The following MVK variants were observed in gnomAD, a reference collection of about 807,000 sequenced individuals.
MVK encodes LH receptor mRNA-binding protein.
Under a neutral mutation model 43.2 loss-of-function variants are expected in MVK, and 34 were observed. The observed-to-expected ratio is 0.79, with a 90% CI of 0.60 to 1.05. The LOEUF (loss-of-function observed/expected upper bound fraction) is 1.05, where lower values mean the gene tolerates loss of function less well. Among genes scored for constraint, MVK ranks in the 50% least tolerant of loss-of-function variants. The pLI, the probability that MVK is intolerant of heterozygous loss-of-function variation, is 0.00. For synonymous variants in MVK, 190 were observed against 219.8 expected (o/e 0.86, Z 1.20); for missense variants, 395 against 504.0 (o/e 0.78, Z 2.07).
At chr12:109,583,876 C>G (rs1314680944) in intron 5 of MVK, among the ~76,000 whole-genome samples, 1 of 152,244 alleles carries the variant, frequency 6.6e-6, no homozygotes, top group African/African-American at 2.4e-5. Context: ...TCCAAGAAGT[C>G]AGGGACCTTG....
upstream of MVK, chr12:109,573,775 C>T (rs2136214459): frequency 6.6e-6 from 3 of 456,318 alleles, no homozygotes; most frequent in African/African-American, 2.0e-5. Flanking sequence ...ACAACGCCTC[C>T]TCCCCTTGAG....
At chr12:109,596,339 G>T in intron 10 of MVK, 87 bp from the exon 11 acceptor site, 1 of 1,536,924 alleles carries the variant, frequency 6.5e-7, no homozygotes. Context: ...GGCACAGCAG[G>T]AAGGCCTGGG....
At chr12:109,582,035 G>A (rs1356419816) in intron 5 of MVK, among the ~76,000 whole-genome samples, 2 of 152,210 alleles carry the variant, frequency 1.3e-5, no homozygotes, top group Non-Finnish European at 2.9e-5. Context: ...GTGCCCATTA[G>A]ACTAGGGCAT....
rs1179162848 is a variant in MVK at position 109,595,372 on chromosome 12, A to C, written c.1039+191A>C. Among the ~76,000 whole-genome samples the C allele has an allele frequency of 6.6e-6, 1 of 152,152 alleles. No homozygotes were observed. Among genetic ancestry groups the C allele is most frequent in the Non-Finnish European group, 1.5e-5 (1 of 68,026 alleles). ...ATAAGGATGAGAGTATCTAGCTTGCAAGATCGTTGCCCAGATTCAAGCAGG... is the reference window on the plus strand; with the variant it reads ...ATAAGGATGAGAGTATCTAGCTTGCCAGATCGTTGCCCAGATTCAAGCAGG... On this transcript the variant is annotated intron_variant, in intron 10 of 10. Transcript: ENST00000228510. This position sits in a 1 kb window ranked among gnomAD's most constrained non-coding sequence, Gnocchi z 5.9.
At chr12:109,582,802 A>G (rs1270235050) in intron 5 of MVK, among the ~76,000 whole-genome samples, 1 of 152,174 alleles carries the variant, frequency 6.6e-6, no homozygotes, top group Non-Finnish European at 1.5e-5. Flanking sequence ...CCCCGCCTCC[A>G]TCACTCACTT....
chr12:109,574,928 T>G (rs764251180), intron 2 of MVK, 28 bp downstream of exon 2: 12 of 1,588,220 alleles, frequency 7.6e-6, no homozygotes, highest in Non-Finnish European at 1.7e-6. Flanking sequence ...CCTTTAAGGA[T>G]TGGGTACCCC....
At chr12:109,575,962 C>A (rs779105643) in intron 2 of MVK, 36 bp from the exon 3 acceptor site, 30 of 1,613,422 alleles carry the variant, frequency 1.9e-5, no homozygotes, top group Non-Finnish European at 2.4e-5. Flanking sequence ...TTGCCACTCA[C>A]CCTCAGGCTT....
At chr12:109,581,890 A>G (rs989399977) in intron 5 of MVK, among the ~76,000 whole-genome samples, 2 of 151,510 alleles carry the variant, frequency 1.3e-5, no homozygotes, top group African/African-American at 4.9e-5. Context: ...GAACCCTCCC[A>G]CCTCTGCATT....
intron 7 of MVK, chr12:109,590,519 G>T: frequency 5.4e-6 from 3 of 552,074 alleles, no homozygotes; most frequent in Non-Finnish European, 9.9e-6. Flanking sequence ...CTAGCATGTT[G>T]TAGGTCCCAG....
At chr12:109,580,933 C>G (rs1251597581) in intron 4 of MVK, among the ~76,000 whole-genome samples, 1 of 151,814 alleles carries the variant, frequency 6.6e-6, no homozygotes, top group Non-Finnish European at 1.5e-5. Context: ...AGAAGGGGAG[C>G]CAGGAGGGTC....
rs375698677 is a variant in MVK at position 109,591,397 on chromosome 12, C to T, written c.885+40C>T. On this transcript the variant is annotated intron_variant, in intron 9 of 10. Coordinates refer to ENST00000228510, the MANE Select transcript of MVK (RefSeq NM_000431.4). The stretch of plus-strand genomic sequence containing the variant: ...GCAGGAACCGGGGTTACTGAGTCCA[C>T]ACCACTGTCCAAGGCAGTGGCTCTG... The T allele has an allele frequency of 1.8e-5, 28 of 1,569,894 alleles. No individual in the cohort carries two copies. In the African/African-American group the frequency reaches 3.8e-4, roughly 21 times the overall value.
At chr12:109,578,794 T>A (rs183360348) in intron 3 of MVK, among the ~76,000 whole-genome samples, 39 of 152,246 alleles carry the variant, frequency 2.6e-4, no homozygotes, top group East Asian at 7.7e-4. Context: ...CATTTCCCAG[T>A]CCCTTGAGAA....
At chr12:109,574,973 G>A (rs1884870023) in intron 2 of MVK, 73 bp downstream of exon 2, 1 of 1,447,554 alleles carries the variant, frequency 6.9e-7, no homozygotes. Context: ...GAAGGTAAAA[G>A]GACACCCTGA....
At chr12:109,578,312 G>C (rs1441625433) in intron 3 of MVK, among the ~76,000 whole-genome samples, 1 of 151,098 alleles carries the variant, frequency 6.6e-6, no homozygotes, top group African/African-American at 2.4e-5. Flanking sequence ...TGCCCAGGCT[G>C]GTCCCAAATT....
chr12:109,577,833 T>C (rs1397522018), intron 3 of MVK, among the ~76,000 whole-genome samples: 2 of 152,142 alleles, frequency 1.3e-5, no homozygotes, highest in Admixed American at 6.5e-5. Flanking sequence ...AGCCACTCCT[T>C]TGGAGCGTGC....
chr12:109,594,898 TGCCAGGTA>T, intron 9 of MVK, 122 bp from the exon 10 acceptor site: 1 of 1,081,330 alleles, frequency 9.2e-7, no homozygotes. Context: ...AGGGCCAGGG[TGCCAGGTA>T]GGCAAAGCCG....
chr12:109,581,962 C>T (rs1885237271), intron 5 of MVK, among the ~76,000 whole-genome samples: 1 of 152,196 alleles, frequency 6.6e-6, no homozygotes, highest in South Asian at 2.1e-4. Context: ...GGGTGATTGT[C>T]CAGTTTTACC....
At chr12:109,573,453 G>T (rs778630670), upstream of MVK, 20 of 1,607,522 alleles carry the variant, frequency 1.2e-5, no homozygotes, top group Non-Finnish European at 1.7e-5. Context: ...CCCAGGCCAA[G>T]ACGGCTCCCC....
rs979531875 is a variant in MVK at position 109,590,697 on chromosome 12, C to T, written c.678-74C>T. ...CTCCGTATCAGGGTGGGCGGCTTCC[C>T]GGACTGCTCCCAGTCCTGTCCCAGC... On this transcript the variant is annotated intron_variant, in intron 7 of 10. Coordinates refer to ENST00000228510, the MANE Select transcript of MVK (RefSeq NM_000431.4). 32 of 1,426,066 alleles carry T rather than the reference C, an allele frequency of 2.2e-5. No individual in the cohort carries two copies. The East Asian group carries it at 2.3e-4, about 10-fold the overall frequency. 88.3% of individuals were successfully genotyped at this position (1,426,066 alleles called of 1,614,324 possible). A position where few individuals can be genotyped will look rare whatever the true frequency, so the allele number is the denominator to read the frequency against.
Sources: gnomAD v4.1 joint callset for allele counts (sites outside exome capture counted in the v4.1 genomes callset) on GRCh38, gnomAD v4.1.1 for gene constraint, Gnocchi (gnomAD v3.1) non-coding constraint, MANE v1.5 for transcripts, NCBI Gene and HGNC (gene_info 2026-07-23, HGNC 2026-07-21) for gene names.